USH2A: variants seen among roughly 807,000 people sequenced by gnomAD.
The protein encoded by USH2A is usherin.
Under a neutral mutation model 538.9 loss-of-function variants are expected in USH2A, and 443 were observed. That is an observed-to-expected ratio of 0.82 (90% CI 0.76 to 0.89). USH2A has a LOEUF of 0.89. Among genes scored for constraint, USH2A ranks in the 40% least tolerant of loss-of-function variants. The pLI, the probability that USH2A is intolerant of heterozygous loss-of-function variation, is 0.00. For synonymous variants in USH2A, 2,413 were observed against 2,273.5 expected (o/e 1.06, Z -1.75); for missense variants, 6,633 against 6,324.8 (o/e 1.05, Z -1.65).
chr1:216,383,901 A>G (rs533054675), intron 3 of USH2A, among the ~76,000 whole-genome samples: 2 of 118,642 alleles, frequency 1.7e-5, no homozygotes, highest in African/African-American at 6.9e-5. Context: ...ACGTCTTGCT[A>G]TGTTGCCCAA....
chr1:215,633,358 A>C (rs1463752471), intron 70 of USH2A, among the ~76,000 whole-genome samples: 2 of 152,142 alleles, frequency 1.3e-5, no homozygotes, highest in Admixed American at 1.3e-4. Context: ...TCATTGTCCC[A>C]TTGCTACTTC....
intron 21 of USH2A, among the ~76,000 whole-genome samples, chr1:216,161,835 T>C (rs1441539266): frequency 6.6e-6 from 1 of 152,092 alleles, no homozygotes; most frequent in African/African-American, 2.4e-5. Context: ...AAAAATAATT[T>C]TAGCATTTAA....
At chr1:215,773,524 C>CTCTCTGTCTT (rs1553260431) in intron 55 of USH2A, among the ~76,000 whole-genome samples, 59 of 148,930 alleles carry the variant, frequency 4.0e-4, no homozygotes, top group African/African-American at 1.5e-3. Context: ...CTCTCTCTCT[C>CTCTCTGTCTT]TCTCTCTCTG....
At chr1:216,338,784 A>G (rs1396270072) in intron 4 of USH2A, among the ~76,000 whole-genome samples, 8 of 151,616 alleles carry the variant, frequency 5.3e-5, no homozygotes, top group African/African-American at 1.7e-4. Flanking sequence ...ATATGTTTCA[A>G]TATTTTAATA....
chr1:215,795,691 C>T (rs1451040984), intron 50 of USH2A, among the ~76,000 whole-genome samples: 3 of 152,066 alleles, frequency 2.0e-5, no homozygotes, highest in Non-Finnish European at 4.4e-5. Flanking sequence ...CTTTAATAGA[C>T]CTGTTATTAG....
intron 30 of USH2A, among the ~76,000 whole-genome samples, chr1:216,059,259 A>G (rs995051874): frequency 6.6e-6 from 1 of 152,198 alleles, no homozygotes; most frequent in African/African-American, 2.4e-5. Context: ...AAGTTCCAAA[A>G]TCAGGCATAA....
intron 4 of USH2A, among the ~76,000 whole-genome samples, chr1:216,346,377 A>G (rs982344075): frequency 6.6e-6 from 1 of 152,114 alleles, no homozygotes. Flanking sequence ...TTGGAAATGG[A>G]TAGATCCCTC....
chr1:215,802,695 C>T (rs1456066538), intron 49 of USH2A, among the ~76,000 whole-genome samples: 1 of 152,054 alleles, frequency 6.6e-6, no homozygotes, highest in Admixed American at 6.6e-5. Context: ...AACAGTATGG[C>T]AGTTCTTAAC....
intron 32 of USH2A, among the ~76,000 whole-genome samples, chr1:216,035,907 C>T (rs1436832187): frequency 1.3e-5 from 2 of 152,060 alleles, no homozygotes; most frequent in Non-Finnish European, 2.9e-5. Flanking sequence ...GTAACCAATG[C>T]ACTTACATTC....
intron 4 of USH2A, among the ~76,000 whole-genome samples, chr1:216,333,286 G>A (rs371474911): frequency 6.6e-6 from 1 of 151,728 alleles, no homozygotes; most frequent in African/African-American, 2.4e-5. Context: ...ATCAAAAAAA[G>A]AAAAAATAAA....
At chr1:215,650,875 G>C in intron 64 of USH2A, 74 bp from the exon 65 acceptor site, 19 of 1,487,896 alleles carry the variant, frequency 1.3e-5, no homozygotes, top group African/African-American at 1.4e-5. Context: ...AAAAAGAAAG[G>C]AAAAAAAACG....
chr1:215,930,073 G>A (rs894898742), intron 38 of USH2A, among the ~76,000 whole-genome samples: 10 of 151,888 alleles, frequency 6.6e-5, no homozygotes, highest in Non-Finnish European at 1.2e-4. Context: ...ATTTTACACT[G>A]TTTGTAGATT....
Position 216,086,654 on chromosome 1 carries a change from A to G in USH2A, c.4987+65T>C, listed in dbSNP as rs981298979. 1.0e-5 allele frequency: 13 copies of G among 1,273,328 alleles called. No homozygotes were observed. In the East Asian group the frequency reaches 1.9e-4, roughly 19 times the overall value. 78.9% of individuals were successfully genotyped at this position (1,273,328 alleles called of 1,614,324 possible). A position where few individuals can be genotyped will look rare whatever the true frequency, so the allele number is the denominator to read the frequency against. ...AACATAATACTTATTCTTACTTTAA[A>G]ATAATGTAAACAGGTTCTATTCTAA... On this transcript the variant is annotated intron_variant, in intron 24 of 71. Transcript: ENST00000307340.
At chr1:215,953,767 T>C (rs1275788114) in intron 37 of USH2A, among the ~76,000 whole-genome samples, 1 of 151,526 alleles carries the variant, frequency 6.6e-6, no homozygotes, top group Non-Finnish European at 1.5e-5. Flanking sequence ...ACCATCAGAG[T>C]GAACAGGCAA....
Position 216,103,227 on chromosome 1 carries a change from T to C in USH2A, c.4628-6014A>G, listed in dbSNP as rs983044437. Among the ~76,000 whole-genome samples, 5 of 152,366 alleles carry C rather than the reference T, an allele frequency of 3.3e-5. No homozygotes were observed. The East Asian group carries it at 9.6e-4, about 29-fold the overall frequency. On this transcript the variant is annotated intron_variant, in intron 21 of 71. Coordinates refer to ENST00000307340, the MANE Select transcript of USH2A (RefSeq NM_206933.4). Reference sequence around the variant, plus strand: ...GGCCCAGTAGTGTTCTATTTTGTACTGTGGGTGCTGGGTACACAAGGCTAT... The same window carrying C: ...GGCCCAGTAGTGTTCTATTTTGTACCGTGGGTGCTGGGTACACAAGGCTAT...
chr1:216,324,307 T>C lies in USH2A; in HGVS notation c.1189A>G (p.Ile397Val), dbSNP rs984959407. 3 of 1,612,874 alleles carry C rather than the reference T, an allele frequency of 1.9e-6. No homozygotes were observed. The highest frequency in any genetic ancestry group is 2.7e-5 in the African/African-American group (2 of 74,898). Residue 397 changes from isoleucine (I) to valine (V), a missense_variant, in exon 7 of 72, where the codon ATA becomes GTA. Transcript: ENST00000307340. ...IQFFSPQPTE[I>V]RIQRKKENSL... ...TTTTCCTTCTTCCTTTGAATCCTTA[T>C]TTCCGTTGGTTGTGGACTAAAGAAC...
intron 64 of USH2A, 53 bp from the exon 65 acceptor site, chr1:215,650,854 A>AG (rs1491047558): frequency 7.6e-6 from 2 of 263,140 alleles, no homozygotes; most frequent in African/African-American, 6.9e-5. Flanking sequence ...TAAGGCTGGG[A>AG]AAAAAAAAAA....
Position 216,418,740 on chromosome 1 carries a change from G to T in USH2A, c.486-61C>A, listed in dbSNP as rs151057523. 29 of 1,584,158 alleles carry T rather than the reference G, an allele frequency of 1.8e-5. No homozygotes were observed. The East Asian group carries it at 6.1e-4, about 33-fold the overall frequency. Reference sequence around the variant, plus strand: ...CATCCAACCAAAAAGACATGCTAAGGTATTGTGCAGTTACAGTGGTGTTAA... The same window carrying T: ...CATCCAACCAAAAAGACATGCTAAGTTATTGTGCAGTTACAGTGGTGTTAA... On this transcript the variant is annotated intron_variant, in intron 2 of 71. Transcript: ENST00000307340.
chr1:216,051,458 T>C (rs1221822997), intron 30 of USH2A, among the ~76,000 whole-genome samples: 2 of 152,266 alleles, frequency 1.3e-5, no homozygotes, highest in Admixed American at 6.5e-5. Flanking sequence ...GCATTTGCCA[T>C]GTCTTTCCTA....
Sources: allele counts gnomAD v4.1 joint callset (sites outside exome capture counted in the v4.1 genomes callset), GRCh38; gene constraint gnomAD v4.1.1; transcripts MANE v1.5; gene names NCBI Gene and HGNC (gene_info 2026-07-23, HGNC 2026-07-21).